The following EPHB1 variants were observed in gnomAD, a reference collection of about 807,000 sequenced individuals.
EPHB1 encodes the protein EPH receptor B1.
A neutral mutation model predicts 94.4 loss-of-function variants in EPHB1; 30 were observed. That is an observed-to-expected ratio of 0.32 (90% CI 0.24 to 0.43). The LOEUF (loss-of-function observed/expected upper bound fraction) is 0.43. Among genes scored for constraint, EPHB1 ranks in the 20% least tolerant of loss-of-function variants. EPHB1 has a pLI of 1.00. For synonymous variants in EPHB1, 522 were observed against 489.1 expected, an observed-to-expected ratio of 1.07 and a Z score of -0.89; for missense variants, 1,055 against 1,308.3, an observed-to-expected ratio of 0.81 and a Z score of 2.99.
At chr3:135,091,117 A>C (rs1194163205) in intron 3 of EPHB1, among the ~76,000 whole-genome samples, 1 of 152,376 alleles carries the variant, frequency 6.6e-6, no homozygotes, top group South Asian at 2.1e-4. Flanking sequence ...TCCCTGATGC[A>C]CACAGAGAGA....
intron 5 of EPHB1, among the ~76,000 whole-genome samples, chr3:135,148,805 C>T (rs1472540627): frequency 1.3e-5 from 2 of 152,246 alleles, no homozygotes; most frequent in Non-Finnish European, 2.9e-5. Flanking sequence ...GACTCACTCA[C>T]TCAGCCTGCC....
intron 3 of EPHB1, among the ~76,000 whole-genome samples, chr3:135,041,251 C>G (rs981071014): frequency 1.3e-5 from 2 of 152,170 alleles, no homozygotes; most frequent in African/African-American, 2.4e-5. Context: ...CCAGTGCTTT[C>G]AACCCCCCAG....
chr3:135,110,324 A>C (rs1415318127), intron 4 of EPHB1, among the ~76,000 whole-genome samples: 1 of 152,094 alleles, frequency 6.6e-6, no homozygotes, highest in African/African-American at 2.4e-5. Context: ...GGAATGAAAA[A>C]GGGGTCATTG....
chr3:134,954,194 C>A (rs1933147955), intron 3 of EPHB1, among the ~76,000 whole-genome samples: 1 of 152,220 alleles, frequency 6.6e-6, no homozygotes, highest in Admixed American at 6.5e-5. Context: ...TTGCCCTTGT[C>A]TCAAGAACTT....
chr3:135,142,302 G>A (rs1426587186), intron 5 of EPHB1, among the ~76,000 whole-genome samples: 1 of 152,160 alleles, frequency 6.6e-6, no homozygotes. Context: ...TGAAGTTGGT[G>A]ATCACACGTT....
At chr3:134,965,682 C>A (rs1471599961) in intron 3 of EPHB1, among the ~76,000 whole-genome samples, 1 of 152,078 alleles carries the variant, frequency 6.6e-6, no homozygotes, top group Non-Finnish European at 1.5e-5. Flanking sequence ...GGTCGACTAC[C>A]CTTCTGCCCG....
intron 3 of EPHB1, among the ~76,000 whole-genome samples, chr3:135,036,816 C>T (rs1055421028): frequency 1.8e-4 from 28 of 152,108 alleles, no homozygotes; most frequent in African/African-American, 5.6e-4. Flanking sequence ...GATCTGTGGA[C>T]GGTAGCACTG....
chr3:135,223,340 A>C (rs1943316363), intron 12 of EPHB1, among the ~76,000 whole-genome samples: 1 of 152,196 alleles, frequency 6.6e-6, no homozygotes, highest in Non-Finnish European at 1.5e-5. Flanking sequence ...CAACCACAGC[A>C]GCTCCTCTCT....
At chr3:134,964,355 C>T (rs1472137326) in intron 3 of EPHB1, among the ~76,000 whole-genome samples, 1 of 152,098 alleles carries the variant, frequency 6.6e-6, no homozygotes, top group East Asian at 1.9e-4. Context: ...CACAAACATA[C>T]AGAACAAAAA....
chr3:134,960,616 C>T (rs1216801810), intron 3 of EPHB1, among the ~76,000 whole-genome samples: 1 of 152,140 alleles, frequency 6.6e-6, no homozygotes, highest in Non-Finnish European at 1.5e-5. Context: ...TGTGAAGCTG[C>T]AAGTGTGTTC....
chr3:135,093,327 C>A (rs903544406), intron 3 of EPHB1, among the ~76,000 whole-genome samples: 2 of 152,186 alleles, frequency 1.3e-5, no homozygotes, highest in African/African-American at 4.8e-5. Context: ...GCCCTCTCTG[C>A]CTTGTCCTGC....
At position 135,241,127 on chromosome 3, in the gene EPHB1, C is replaced by T. The variant is rs774531032; in HGVS notation, c.2347-21C>T. ...TCAGAAACCTGATTGTTGGGCTGACCACGGTTTCTCCTTCTTTCAGGGAGG... is the reference window on the plus strand; with the variant it reads ...TCAGAAACCTGATTGTTGGGCTGACTACGGTTTCTCCTTCTTTCAGGGAGG... On this transcript the variant is annotated intron_variant, in intron 12 of 15. Transcript: ENST00000398015. The T allele has an allele frequency of 6.8e-6, 11 of 1,613,986 alleles. No homozygotes were observed. The East Asian group carries it at 2.5e-4, about 36-fold the overall frequency.
At chr3:134,914,042 A>C (rs951218488) in intron 1 of EPHB1, among the ~76,000 whole-genome samples, 27 of 152,084 alleles carry the variant, frequency 1.8e-4, no homozygotes, top group African/African-American at 6.0e-4. Context: ...GTTGTGCAGG[A>C]GTTGGCTGTG....
rs1210825731 is a variant in EPHB1, at chr3:135,195,036, G to A, written c.2130+2213G>A. On this transcript the variant is annotated intron_variant, in intron 11 of 15. Transcript: ENST00000398015. ...TATTATCAGAGATCTCATGAAGACA[G>A]TTGAATAAACAAAGTTGAATGAAGT... 2.6e-5 allele frequency among the ~76,000 whole-genome samples: 4 copies of A among 152,278 alleles called. No homozygotes were observed. In the East Asian group the frequency reaches 7.7e-4, roughly 29 times the overall value.
At chr3:135,237,088 T>G (rs1480917130) in intron 12 of EPHB1, among the ~76,000 whole-genome samples, 3 of 152,096 alleles carry the variant, frequency 2.0e-5, no homozygotes, top group African/African-American at 7.2e-5. Context: ...GAGGACAGAA[T>G]GGGTGCTGCA....
intron 3 of EPHB1, among the ~76,000 whole-genome samples, chr3:135,020,356 C>T (rs1319340279): frequency 6.6e-6 from 1 of 152,138 alleles, no homozygotes; most frequent in African/African-American, 2.4e-5. Context: ...CAACCATCGC[C>T]ACAATCAATT....
intron 12 of EPHB1, among the ~76,000 whole-genome samples, chr3:135,238,974 C>T (rs1305275202): frequency 3.9e-5 from 6 of 152,216 alleles, no homozygotes; most frequent in Non-Finnish European, 5.9e-5. Context: ...GAATTCTTCA[C>T]CTCTCTTCCC....
intron 3 of EPHB1, among the ~76,000 whole-genome samples, chr3:135,095,587 T>C (rs1373849390): frequency 6.6e-6 from 1 of 152,174 alleles, no homozygotes; most frequent in Non-Finnish European, 1.5e-5. Context: ...TTCCGTGGAC[T>C]TCAGGGTAAA....
At chr3:134,811,256 T>TTTTTTTTTG (rs1553853019) in intron 1 of EPHB1, among the ~76,000 whole-genome samples, 9 of 134,862 alleles carry the variant, frequency 6.7e-5, no homozygotes, top group Non-Finnish European at 1.1e-4. Context: ...TTTTTTTTTT[T>TTTTTTTTTG]TTTTTTTCTG....
Sources: gnomAD v4.1 joint callset for allele counts (sites outside exome capture counted in the v4.1 genomes callset) on GRCh38, gnomAD v4.1.1 for gene constraint, MANE v1.5 for transcripts, NCBI Gene and HGNC (gene_info 2026-07-23, HGNC 2026-07-21) for gene names.